KLHL29: variants seen among roughly 807,000 people sequenced by gnomAD.
KLHL29 encodes the protein kelch-like protein 29.
In KLHL29, 21 loss-of-function variants were observed where a neutral mutation model predicts 80.4. The observed-to-expected ratio is 0.26, with a 90% confidence interval of 0.19 to 0.38. The LOEUF is 0.38. Ranked by LOEUF, KLHL29 falls within the 10% of genes least tolerant of loss-of-function variation. The probability of loss-of-function intolerance (pLI) is 1.00; values close to 1 mark genes in which losing one functional copy is unlikely to be tolerated. For synonymous variants in KLHL29, 511 were observed against 526.8 expected (o/e 0.97, Z 0.41); for missense variants, 867 against 1,223.9 (o/e 0.71, Z 4.35).
chr2:23,491,232 G>A (rs189982420), intron 2 of KLHL29, among the ~76,000 whole-genome samples: 12 of 152,232 alleles, frequency 7.9e-5, no homozygotes, highest in Non-Finnish European at 1.2e-4. Flanking sequence ...ATAGGATGGA[G>A]GACCACTGAT....
At chr2:23,593,454 A>G (rs1668317984) in intron 3 of KLHL29, among the ~76,000 whole-genome samples, 2 of 152,176 alleles carry the variant, frequency 1.3e-5, no homozygotes, top group Admixed American at 1.3e-4. Context: ...CCCGGTCTCC[A>G]GGCCTATGTG....
At chr2:23,655,973 C>G (rs1670232947) in intron 5 of KLHL29, among the ~76,000 whole-genome samples, 7 of 152,228 alleles carry the variant, frequency 4.6e-5, no homozygotes, top group Admixed American at 2.0e-4. Context: ...GTTACCACCA[C>G]TCGCAGTTGC....
At chr2:23,465,484 G>A (rs553443773) in intron 1 of KLHL29, among the ~76,000 whole-genome samples, 3 of 152,254 alleles carry the variant, frequency 2.0e-5, no homozygotes, top group South Asian at 4.1e-4. Flanking sequence ...TAAATACCCC[G>A]GCTTCCTCGC....
chr2:23,553,652 T>C (rs1045140361), intron 2 of KLHL29, among the ~76,000 whole-genome samples: 1 of 152,190 alleles, frequency 6.6e-6, no homozygotes, highest in Non-Finnish European at 1.5e-5. Context: ...CAGGGCAATA[T>C]AAATGCAGAC....
chr2:23,463,572 A>G (rs1431915783), intron 1 of KLHL29, among the ~76,000 whole-genome samples: 1 of 152,122 alleles, frequency 6.6e-6, no homozygotes, highest in Non-Finnish European at 1.5e-5. Flanking sequence ...TTGGTAGCCT[A>G]TGTCTGTGAA....
chr2:23,438,261 G>A (rs1663403254), intron 1 of KLHL29, among the ~76,000 whole-genome samples: 3 of 151,988 alleles, frequency 2.0e-5, no homozygotes. Context: ...TGCAGACAGA[G>A]ACAATTTGAC....
At chr2:23,621,964 C>T (rs1436789359) in intron 3 of KLHL29, among the ~76,000 whole-genome samples, 1 of 152,188 alleles carries the variant, frequency 6.6e-6, no homozygotes, top group Non-Finnish European at 1.5e-5. Flanking sequence ...AAGAACAGGA[C>T]ACGTGAGAGA....
At chr2:23,415,013 A>C (rs545373808) in intron 1 of KLHL29, among the ~76,000 whole-genome samples, 1 of 152,222 alleles carries the variant, frequency 6.6e-6, no homozygotes, top group Non-Finnish European at 1.5e-5. Context: ...AGGAATGACA[A>C]CAGTCATACC....
intron 1 of KLHL29, among the ~76,000 whole-genome samples, chr2:23,399,256 G>T (rs567782856): frequency 1.9e-4 from 29 of 152,262 alleles, no homozygotes; most frequent in African/African-American, 6.5e-4. Context: ...TGTTTTCCTT[G>T]TTCCCTTCCA....
intron 1 of KLHL29, among the ~76,000 whole-genome samples, chr2:23,418,149 C>A (rs1191911656): frequency 6.6e-6 from 1 of 152,220 alleles, no homozygotes; most frequent in Admixed American, 6.5e-5. Flanking sequence ...GTCCTGCCCT[C>A]TCACTGCGGC....
rs529420313 is a variant in KLHL29 at position 23,429,708 on chromosome 2, C to G, written c.-154+43928C>G. Among the ~76,000 whole-genome samples the G allele has an allele frequency of 7.3e-5, 11 of 151,644 alleles. No individual in the cohort carries two copies. The East Asian group carries it at 2.1e-3, about 29-fold the overall frequency. On this transcript the variant is annotated intron_variant, in intron 1 of 13. Transcript: ENST00000486442. ...GGCAGAAGTTTCAGTGAGCTGAGAT[C>G]GTGCCACTGTACTCCAGCCTGGATG... is the stretch of plus-strand genomic sequence containing the variant.
At chr2:23,494,462 G>A (rs776022151) in intron 2 of KLHL29, among the ~76,000 whole-genome samples, 2 of 152,306 alleles carry the variant, frequency 1.3e-5, no homozygotes, top group South Asian at 2.1e-4. Flanking sequence ...GAACAGGCAC[G>A]CCACAGGCCT....
In KLHL29 at chr2:23,661,206, G is replaced by A. The variant is rs1177745917; in HGVS notation, c.940+18356G>A. Among the ~76,000 whole-genome samples, 4 of 152,216 alleles carry A rather than the reference G, an allele frequency of 2.6e-5. No individual in the cohort carries two copies. The East Asian group carries it at 7.7e-4, about 29-fold the overall frequency. On this transcript the variant is annotated intron_variant, in intron 5 of 13. Transcript: ENST00000486442. The stretch of plus-strand genomic sequence containing the variant: ...AAACTTAAACATTTAGCTGGGTATG[G>A]TGGCATGCACTTGTAGTCCCAGCTA...
intron 3 of KLHL29, among the ~76,000 whole-genome samples, chr2:23,620,270 C>T (rs1322797365): frequency 2.0e-5 from 3 of 152,106 alleles, no homozygotes; most frequent in Non-Finnish European, 4.4e-5. Context: ...AGTTGGCACT[C>T]GATCCCTTCG....
chr2:23,583,521 G>A (rs939374728), intron 3 of KLHL29, among the ~76,000 whole-genome samples: 2 of 152,172 alleles, frequency 1.3e-5, no homozygotes, highest in Admixed American at 6.5e-5. Context: ...TTCAAAGGGC[G>A]ATTAAAGCGA....
rs781767583 is a variant in KLHL29, at chr2:23,684,810, G to A, written c.1079+273G>A. Among the ~76,000 whole-genome samples the A allele has an allele frequency of 8.6e-5, 13 of 151,924 alleles. No individual in the cohort carries two copies. The highest frequency in any genetic ancestry group is 6.3e-4 in the South Asian group (3 of 4,798). On this transcript the variant is annotated intron_variant, in intron 6 of 13. Coordinates refer to ENST00000486442, the MANE Select transcript of KLHL29 (RefSeq NM_052920.2). This position sits in a 1 kb window ranked among gnomAD's most constrained non-coding sequence, Gnocchi z 4.4. ...GCCTCTGCCAGCAGTAGACAACACC[G>A]TGCCCCACCCCTGAGATCCCAGGTT...
At chr2:23,475,165 C>T (rs1664597327) in intron 1 of KLHL29, among the ~76,000 whole-genome samples, 1 of 151,956 alleles carries the variant, frequency 6.6e-6, no homozygotes, top group African/African-American at 2.4e-5. Flanking sequence ...TCTTTTTCCC[C>T]ATTGCTGGAG....
intron 2 of KLHL29, among the ~76,000 whole-genome samples, chr2:23,550,558 G>T (rs906698847): frequency 6.6e-5 from 10 of 152,242 alleles, no homozygotes; most frequent in Non-Finnish European, 1.5e-4. Flanking sequence ...TAGTTACTCG[G>T]TGAAATAAAA....
At chr2:23,500,663 A>C (rs145886997) in intron 2 of KLHL29, among the ~76,000 whole-genome samples, 16 of 152,256 alleles carry the variant, frequency 1.1e-4, no homozygotes, top group African/African-American at 3.9e-4. Context: ...ACCTGTTTGG[A>C]GCTTTGGAAG....
Sources: gnomAD v4.1 joint callset for allele counts (sites outside exome capture counted in the v4.1 genomes callset) on GRCh38, gnomAD v4.1.1 for gene constraint, Gnocchi (gnomAD v3.1) non-coding constraint, MANE v1.5 for transcripts, NCBI Gene and HGNC (gene_info 2026-07-23, HGNC 2026-07-21) for gene names.